KCNQ5: variants seen among roughly 807,000 people sequenced by gnomAD.
KCNQ5 encodes the protein potassium voltage-gated channel subfamily Q member 5.
A neutral mutation model predicts 98.2 loss-of-function variants in KCNQ5; 30 were observed. The observed-to-expected ratio is 0.31, with a 90% confidence interval of 0.23 to 0.41. KCNQ5 has a LOEUF of 0.41. KCNQ5 is among the 10% of genes least tolerant of loss of function. KCNQ5 has a pLI of 1.00. For missense variants in KCNQ5, 835 were observed against 1,182.5 expected (o/e 0.71, Z 4.31); for synonymous variants, 458 against 449.4 (o/e 1.02, Z -0.24).
chr6:73,068,531 C>T (rs557755815), intron 3 of KCNQ5, among the ~76,000 whole-genome samples: 54 of 152,156 alleles, frequency 3.5e-4, no homozygotes, highest in African/African-American at 1.3e-3. Context: ...TTAACTTATT[C>T]AATTCTTGCA....
chr6:72,663,083 A>C (rs1190910936), intron 1 of KCNQ5, among the ~76,000 whole-genome samples: 1 of 152,148 alleles, frequency 6.6e-6, no homozygotes, highest in Non-Finnish European at 1.5e-5. Flanking sequence ...TGGGAGTAGA[A>C]CAATGAGAAC....
intron 5 of KCNQ5, among the ~76,000 whole-genome samples, chr6:73,102,815 T>C (rs1055722904): frequency 6.6e-6 from 1 of 152,078 alleles, no homozygotes; most frequent in Non-Finnish European, 1.5e-5. Context: ...TGGCAAGGAT[T>C]TGGAGAAAAA....
At chr6:72,797,942 G>C (rs543859540) in intron 1 of KCNQ5, among the ~76,000 whole-genome samples, 1 of 152,218 alleles carries the variant, frequency 6.6e-6, no homozygotes, top group East Asian at 1.9e-4. Context: ...CCATGTGTAA[G>C]ATGCTAAACC....
chr6:72,871,364 T>C (rs977352514), intron 1 of KCNQ5, among the ~76,000 whole-genome samples: 12 of 152,212 alleles, frequency 7.9e-5, no homozygotes, highest in African/African-American at 2.9e-4. Context: ...ATGAAGTAGA[T>C]TGCTAGTTTT....
At chr6:72,812,846 C>G (rs1775308764) in intron 1 of KCNQ5, among the ~76,000 whole-genome samples, 1 of 152,142 alleles carries the variant, frequency 6.6e-6, no homozygotes, top group African/African-American at 2.4e-5. Flanking sequence ...AGGATTTACC[C>G]TACTACCTAC....
At chr6:73,031,310 A>C (rs149694211) in intron 2 of KCNQ5, among the ~76,000 whole-genome samples, 1 of 152,362 alleles carries the variant, frequency 6.6e-6, no homozygotes, top group African/African-American at 2.4e-5. Flanking sequence ...CCACACTGTC[A>C]CTAAGACATC....
chr6:72,819,015 C>A (rs1775632455), intron 1 of KCNQ5, among the ~76,000 whole-genome samples: 1 of 151,878 alleles, frequency 6.6e-6, no homozygotes, highest in Non-Finnish European at 1.5e-5. Context: ...AAAATTCTTA[C>A]TACTATTGAT....
At chr6:72,942,663 A>C (rs762863864) in intron 1 of KCNQ5, among the ~76,000 whole-genome samples, 2 of 152,220 alleles carry the variant, frequency 1.3e-5, no homozygotes, top group Non-Finnish European at 2.9e-5. Flanking sequence ...GCAGAAATAC[A>C]GGTTTCTTTA....
chr6:72,794,087 T>C (rs1774199783), intron 1 of KCNQ5, among the ~76,000 whole-genome samples: 1 of 152,210 alleles, frequency 6.6e-6, no homozygotes, highest in African/African-American at 2.4e-5. Context: ...ATCATAAAAT[T>C]CGAAGAAAAT....
In KCNQ5 at chr6:72,863,391, G is replaced by A. The variant is rs763600420; in HGVS notation, c.399-140517G>A. Among the ~76,000 whole-genome samples the A allele has an allele frequency of 7.2e-5, 11 of 152,114 alleles. No individual in the cohort carries two copies. The East Asian group carries it at 1.5e-3, about 21-fold the overall frequency. ...TAAATCACACTCACTTTAGAAATAC[G>A]TTTTTCTTTGATCCAAATGTCTTTT... On this transcript the variant is annotated intron_variant, in intron 1 of 13. Coordinates refer to ENST00000370398, the MANE Select transcript of KCNQ5 (RefSeq NM_019842.4).
intron 1 of KCNQ5, among the ~76,000 whole-genome samples, chr6:72,665,015 G>A (rs748087653): frequency 7.2e-5 from 11 of 152,152 alleles, no homozygotes; most frequent in African/African-American, 1.4e-4. Flanking sequence ...ATATTTTTGC[G>A]TAAAAGCATT....
intron 5 of KCNQ5, among the ~76,000 whole-genome samples, chr6:73,084,040 C>T (rs1296673963): frequency 2.6e-5 from 4 of 152,148 alleles, no homozygotes; most frequent in Admixed American, 2.6e-4. Flanking sequence ...CCACCCAATC[C>T]CTGTCATCCC....
At chr6:73,097,773 A>C (rs7776143) in intron 5 of KCNQ5, among the ~76,000 whole-genome samples, 145,731 of 152,286 alleles carry the variant, frequency 0.96, 69,724 homozygotes, top group South Asian at 0.98. Context: ...AAGGTGATAC[A>C]TCTACAAGTC....
chr6:72,653,285 C>G (rs1208376469), intron 1 of KCNQ5, among the ~76,000 whole-genome samples: 1 of 151,770 alleles, frequency 6.6e-6, no homozygotes, highest in Non-Finnish European at 1.5e-5. Context: ...TTCTTTCTTT[C>G]CTGAGTGCTT....
chr6:72,894,152 A>G lies in KCNQ5; in HGVS notation c.399-109756A>G, dbSNP rs183291006. ...AGCAGCTTTTCTGGGCCCTTTTAAC[A>G]TTTATCATCTCTATTGACTCAAATG... On this transcript the variant is annotated intron_variant, in intron 1 of 13. Coordinates refer to ENST00000370398, the MANE Select transcript of KCNQ5 (RefSeq NM_019842.4). Among the ~76,000 whole-genome samples the G allele has an allele frequency of 1.6e-4, 24 of 152,176 alleles. No homozygotes were observed. The South Asian group carries it at 2.3e-3, about 14-fold the overall frequency.
At chr6:73,082,597 A>G (rs953968296) in intron 5 of KCNQ5, among the ~76,000 whole-genome samples, 1 of 152,206 alleles carries the variant, frequency 6.6e-6, no homozygotes, top group African/African-American at 2.4e-5. Context: ...TCTTACACAC[A>G]CGTATATATA....
At chr6:72,757,695 G>A (rs543617751) in intron 1 of KCNQ5, among the ~76,000 whole-genome samples, 3 of 152,038 alleles carry the variant, frequency 2.0e-5, no homozygotes, top group African/African-American at 4.8e-5. Context: ...AAATCATAGC[G>A]TAACCCTGGT....
chr6:72,957,930 A>G (rs1767165288), intron 1 of KCNQ5, among the ~76,000 whole-genome samples: 1 of 152,144 alleles, frequency 6.6e-6, no homozygotes, highest in Non-Finnish European at 1.5e-5. Flanking sequence ...GTTAAGTCTT[A>G]CAAATTATAA....
chr6:72,759,810 T>TA (rs1772163689), intron 1 of KCNQ5, among the ~76,000 whole-genome samples: 2 of 151,718 alleles, frequency 1.3e-5, no homozygotes, highest in South Asian at 4.2e-4. Context: ...ATAGCTAAAG[T>TA]AAAAAAAGTG....
Sources: allele counts gnomAD v4.1 joint callset (sites outside exome capture counted in the v4.1 genomes callset), GRCh38; gene constraint gnomAD v4.1.1; transcripts MANE v1.5; gene names NCBI Gene and HGNC (gene_info 2026-07-23, HGNC 2026-07-21).